MAN2A1: variants seen among roughly 807,000 people sequenced by gnomAD.
MAN2A1 encodes the protein mannosidase alpha class 2A member 1, also known as alpha-mannosidase 2.
In MAN2A1, 76 loss-of-function variants were observed where a neutral mutation model predicts 142.6. The ratio of observed to expected loss-of-function variants is 0.53; its 90% CI spans 0.44 to 0.65. The LOEUF (loss-of-function observed/expected upper bound fraction) is 0.65. MAN2A1 is among the 30% of genes least tolerant of loss of function. The pLI, the probability that MAN2A1 is intolerant of heterozygous loss-of-function variation, is 0.00. For synonymous variants in MAN2A1, 559 were observed against 473.2 expected (o/e 1.18, Z -2.35); for missense variants, 1,311 against 1,365.1 (o/e 0.96, Z 0.62).
chr5:109,769,732 G>T (rs1753089822), intron 6 of MAN2A1, among the ~76,000 whole-genome samples: 1 of 151,970 alleles, frequency 6.6e-6, no homozygotes, highest in Admixed American at 6.6e-5. Flanking sequence ...TTCTTTTCCT[G>T]TGCTTCTTTG....
intron 4 of MAN2A1, among the ~76,000 whole-genome samples, chr5:109,733,946 C>T (rs1477612925): frequency 6.6e-6 from 1 of 152,004 alleles, no homozygotes; most frequent in Admixed American, 6.5e-5. Context: ...GGTACCAGTT[C>T]CTCCTTGTAC....
At chr5:109,857,024 T>A (rs1278239469) in intron 20 of MAN2A1, among the ~76,000 whole-genome samples, 1 of 152,108 alleles carries the variant, frequency 6.6e-6, no homozygotes, top group Non-Finnish European at 1.5e-5. Context: ...TAACACAATT[T>A]TGATTAAGGT....
intron 4 of MAN2A1, among the ~76,000 whole-genome samples, chr5:109,734,294 T>G (rs1752016860): frequency 1.5e-5 from 2 of 136,398 alleles, no homozygotes; most frequent in Admixed American, 7.2e-5. Flanking sequence ...TCAATTTTGT[T>G]GATCTTTTGA....
intron 4 of MAN2A1, among the ~76,000 whole-genome samples, chr5:109,733,498 T>C (rs1751984886): frequency 6.6e-6 from 1 of 152,174 alleles, no homozygotes; most frequent in South Asian, 2.1e-4. Context: ...GGCTGTAGGT[T>C]TGTCATAGAA....
intron 4 of MAN2A1, among the ~76,000 whole-genome samples, chr5:109,730,246 CAG>C (rs1050361758): frequency 2.0e-5 from 3 of 151,936 alleles, no homozygotes; most frequent in Non-Finnish European, 2.9e-5. Context: ...TGATTGGTAA[CAG>C]TGTTGCATAT....
chr5:109,733,107 TTTA>T (rs1751967856), intron 4 of MAN2A1, among the ~76,000 whole-genome samples: 1 of 152,092 alleles, frequency 6.6e-6, no homozygotes, highest in African/African-American at 2.4e-5. Flanking sequence ...TCCTAGGTAT[TTTA>T]TTCTCTTTGA....
intron 3 of MAN2A1, among the ~76,000 whole-genome samples, chr5:109,719,653 G>T (rs914961003): frequency 1.4e-4 from 21 of 152,056 alleles, no homozygotes; most frequent in Middle Eastern, 3.4e-3. Context: ...TTCATCGGTG[G>T]ATTTTCGTCT....
intron 1 of MAN2A1, among the ~76,000 whole-genome samples, chr5:109,710,507 G>T (rs1050833063): frequency 3.1e-4 from 46 of 150,274 alleles, no homozygotes; most frequent in East Asian, 6.0e-4. Context: ...ATAAAATGTG[G>T]TATTTTTTTT....
chr5:109,720,382 T>C (rs1418149540), intron 3 of MAN2A1, among the ~76,000 whole-genome samples: 10 of 152,202 alleles, frequency 6.6e-5, no homozygotes, highest in Non-Finnish European at 1.0e-4. Flanking sequence ...TTTTGCTTTT[T>C]TGTGTGTGTA....
chr5:109,837,079 T>G (rs1755075467), intron 16 of MAN2A1, among the ~76,000 whole-genome samples: 1 of 148,252 alleles, frequency 6.7e-6, no homozygotes, highest in Non-Finnish European at 1.5e-5. Flanking sequence ...GGGCATCTAG[T>G]ATGTCTTCCC....
In MAN2A1 at chr5:109,789,467, A is replaced by C. The variant is rs759315297; in HGVS notation, c.1883A>C (p.Lys628Thr). ...SPDTFLEMDLKQKSQDSLPQK... is the reference protein window; with the variant it reads ...SPDTFLEMDLTQKSQDSLPQK... ...TACTGTTCATTTTTATAGGATTTGAAACAAAAATCACAAGATTCTCTGCCA... is the reference window on the plus strand; with the variant it reads ...TACTGTTCATTTTTATAGGATTTGACACAAAAATCACAAGATTCTCTGCCA... The change falls in exon 12 of 22, where the codon AAA becomes ACA. Residue 628 changes from lysine (K) to threonine (T), a missense_variant. Coordinates refer to ENST00000261483, the MANE Select transcript of MAN2A1 (RefSeq NM_002372.4). The C allele has an allele frequency of 1.3e-6, 2 of 1,579,876 alleles. No homozygotes were observed. The highest frequency in any genetic ancestry group is 1.7e-6 in the Non-Finnish European group (2 of 1,157,896).
At chr5:109,728,304 A>G (rs912096130) in intron 3 of MAN2A1, among the ~76,000 whole-genome samples, 16 of 152,152 alleles carry the variant, frequency 1.1e-4, no homozygotes, top group African/African-American at 3.4e-4. Flanking sequence ...TATTAATTTA[A>G]CTATATACAG....
chr5:109,763,092 TC>T (rs1277961465), intron 5 of MAN2A1, among the ~76,000 whole-genome samples: 2 of 152,204 alleles, frequency 1.3e-5, no homozygotes, highest in African/African-American at 4.8e-5. Flanking sequence ...TGATTGTGGA[TC>T]AGATTGCTTC....
intron 15 of MAN2A1, among the ~76,000 whole-genome samples, chr5:109,821,435 T>G (rs1754619846): frequency 6.6e-6 from 1 of 152,202 alleles, no homozygotes; most frequent in Non-Finnish European, 1.5e-5. Context: ...TGAGAATAAC[T>G]TTCTAGAAGA....
chr5:109,720,538 T>C (rs1378786105), intron 3 of MAN2A1, among the ~76,000 whole-genome samples: 1 of 152,198 alleles, frequency 6.6e-6, no homozygotes, highest in African/African-American at 2.4e-5. Context: ...TAGTTAGAAT[T>C]TGAAAATAGT....
rs756412621 is a variant in MAN2A1 at position 109,789,016 on chromosome 5, G to A, written c.1843G>A (p.Asp615Asn). Residue 615 changes from aspartate to asparagine, a missense_variant, in exon 11 of 22, where the codon GAC (aspartate) becomes AAC (asparagine). Asp to Asn is a conservative substitution (Grantham distance 23). This residue lies in a region of MAN2A1 where 890 missense variants were observed against 920.5 expected (regional missense o/e 0.97). Coordinates refer to ENST00000261483, the MANE Select transcript of MAN2A1 (RefSeq NM_002372.4). ...TATTTTGAAGGACAAACTCACATAC[G>A]ACTCTTACTCTCCTGATACCTTCCT... ...LLILKDKLTY[D>N]SYSPDTFLEM... 5 of 1,597,826 alleles carry A rather than the reference G, an allele frequency of 3.1e-6. No homozygotes were observed. The highest frequency in any genetic ancestry group is 2.2e-5 in the East Asian group (1 of 44,558).
At chr5:109,708,949 C>T (rs1442676912) in intron 1 of MAN2A1, among the ~76,000 whole-genome samples, 7 of 152,202 alleles carry the variant, frequency 4.6e-5, no homozygotes, top group Non-Finnish European at 8.8e-5. Flanking sequence ...ACACCGTCTC[C>T]TCTGGAAACA....
intron 12 of MAN2A1, among the ~76,000 whole-genome samples, chr5:109,805,316 G>T (rs892437436): frequency 6.6e-6 from 1 of 152,148 alleles, no homozygotes; most frequent in African/African-American, 2.4e-5. Context: ...GGAAATAGTT[G>T]TAAAATTTTT....
intron 3 of MAN2A1, among the ~76,000 whole-genome samples, chr5:109,719,700 A>T (rs944585154): frequency 8.6e-5 from 13 of 151,858 alleles, no homozygotes; most frequent in African/African-American, 2.9e-4. Context: ...ATTTTTAAAA[A>T]TTTTCTATAT....
Sources: allele counts gnomAD v4.1 joint callset (sites outside exome capture counted in the v4.1 genomes callset), GRCh38; gene constraint gnomAD v4.1.1; regional missense constraint gnomAD v4.1.1; transcripts MANE v1.5; gene names NCBI Gene and HGNC (gene_info 2026-07-23, HGNC 2026-07-21).